Variants in ERBB4 observed in about 807,000 individuals in gnomAD.
The protein encoded by ERBB4 is receptor tyrosine-protein kinase erbB-4.
A neutral mutation model predicts 158.0 loss-of-function variants in ERBB4; 42 were observed. The ratio of observed to expected loss-of-function variants is 0.27; its 90% CI spans 0.21 to 0.34. The LOEUF is 0.34. Ranked by LOEUF, ERBB4 falls within the 10% of genes least tolerant of loss-of-function variation. The pLI, the probability that ERBB4 is intolerant of heterozygous loss-of-function variation, is 1.00. For synonymous variants in ERBB4, 583 were observed against 558.7 expected (o/e 1.04, Z -0.61); for missense variants, 1,333 against 1,624.1 (o/e 0.82, Z 3.08).
At chr2:212,344,473 T>G (rs1439932623) in intron 1 of ERBB4, among the ~76,000 whole-genome samples, 2 of 129,198 alleles carry the variant, frequency 1.5e-5, no homozygotes, top group African/African-American at 6.6e-5. Flanking sequence ...TGTGTGTGTA[T>G]ATATGTGTGT....
In ERBB4 at chr2:211,703,983, G is replaced by T. The variant is rs139292913; in HGVS notation, c.1289+121C>A. On this transcript the variant is annotated intron_variant, in intron 11 of 27. Coordinates refer to ENST00000342788, the MANE Select transcript of ERBB4 (RefSeq NM_005235.3). ...TTATTGAGCTTATCTTTGGAAATAA[G>T]GATGGAAGCATGATTTCCCCAGAAT... is the stretch of plus-strand genomic sequence containing the variant. 6.1e-3 allele frequency: 4,598 copies of T among 749,524 alleles called. 40 individuals carry two copies. Among genetic ancestry groups the T allele is most frequent in the Non-Finnish European group, 4.9e-3 (1,974 of 403,506 alleles). 46.4% of individuals were successfully genotyped at this position (749,524 alleles called of 1,614,324 possible).
At chr2:211,625,030 G>A (rs1025440483) in intron 17 of ERBB4, among the ~76,000 whole-genome samples, 20 of 151,410 alleles carry the variant, frequency 1.3e-4, no homozygotes, top group Non-Finnish European at 7.4e-5. Context: ...GAATGAGAAG[G>A]GGGCAAGTAT....
intron 17 of ERBB4, among the ~76,000 whole-genome samples, chr2:211,630,209 T>C (rs1242384360): frequency 1.3e-5 from 2 of 152,160 alleles, no homozygotes; most frequent in Non-Finnish European, 2.9e-5. Context: ...CTCCCAACCA[T>C]ACAAACAAAA....
At chr2:212,415,355 T>C (rs1478679961) in intron 1 of ERBB4, among the ~76,000 whole-genome samples, 1 of 152,118 alleles carries the variant, frequency 6.6e-6, no homozygotes, top group Non-Finnish European at 1.5e-5. Context: ...GATTAGATAC[T>C]TAGAAAAGAA....
At chr2:211,501,505 A>AAG (rs1553549943) in intron 20 of ERBB4, among the ~76,000 whole-genome samples, 13 of 151,752 alleles carry the variant, frequency 8.6e-5, no homozygotes, top group Middle Eastern at 3.9e-3. Context: ...ATTAAAAAAA[A>AAG]CAGCATAAAT....
At chr2:211,423,068 C>A (rs1230856801) in intron 23 of ERBB4, among the ~76,000 whole-genome samples, 4 of 151,780 alleles carry the variant, frequency 2.6e-5, no homozygotes, top group Admixed American at 6.6e-5. Flanking sequence ...AGCTCAAATG[C>A]TCTGTATTCT....
chr2:212,095,658 C>T (rs1169528589), intron 2 of ERBB4, among the ~76,000 whole-genome samples: 1 of 152,076 alleles, frequency 6.6e-6, no homozygotes, highest in Admixed American at 6.5e-5. Context: ...TTTGGCCGGG[C>T]GCGGTGGCTC....
At chr2:212,059,318 C>T (rs1432485539) in intron 2 of ERBB4, among the ~76,000 whole-genome samples, 1 of 152,172 alleles carries the variant, frequency 6.6e-6, no homozygotes, top group Admixed American at 6.5e-5. Context: ...AAGAACATTC[C>T]ATTCTCATGG....
Position 212,237,175 on chromosome 2 carries a change from C to T in ERBB4, c.83-112272G>A, listed in dbSNP as rs574174148. Reference sequence around the variant, plus strand: ...GAAATATTATCACTTTTGGAATTTTCAGCCTTTCTGCGCTAGTTTTTCCTC... The same window carrying T: ...GAAATATTATCACTTTTGGAATTTTTAGCCTTTCTGCGCTAGTTTTTCCTC... On this transcript the variant is annotated intron_variant, in intron 1 of 27. Transcript: ENST00000342788. 2.6e-5 allele frequency among the ~76,000 whole-genome samples: 4 copies of T among 152,286 alleles called. No homozygotes were observed. In the East Asian group the frequency reaches 7.7e-4, roughly 29 times the overall value.
intron 1 of ERBB4, among the ~76,000 whole-genome samples, chr2:212,242,679 A>G (rs2084154698): frequency 6.6e-6 from 1 of 152,210 alleles, no homozygotes; most frequent in African/African-American, 2.4e-5. Context: ...AAAAACAAAA[A>G]AAAAATACAC....
chr2:211,676,759 CT>C (rs1559407356), intron 13 of ERBB4, among the ~76,000 whole-genome samples: 1 of 152,106 alleles, frequency 6.6e-6, no homozygotes, highest in Non-Finnish European at 1.5e-5. Context: ...ATTCAATAAA[CT>C]TTTAATGTAA....
In ERBB4 at chr2:211,691,244, C is replaced by T. The variant is rs1033747562; in HGVS notation, c.1489+10723G>A. ...GTAGCCTTGGGCAATTACTTACATG[C>T]TACTTATCTTTAAAGTGAACAGTAA... On this transcript the variant is annotated intron_variant, in intron 12 of 27. Coordinates refer to ENST00000342788, the MANE Select transcript of ERBB4 (RefSeq NM_005235.3). Among the ~76,000 whole-genome samples the T allele has an allele frequency of 6.6e-5, 10 of 152,164 alleles. No homozygotes were observed. The East Asian group carries it at 1.5e-3, about 24-fold the overall frequency.
intron 4 of ERBB4, among the ~76,000 whole-genome samples, chr2:211,787,631 A>T (rs1393724008): frequency 6.6e-6 from 1 of 152,190 alleles, no homozygotes; most frequent in African/African-American, 2.4e-5. Flanking sequence ...TATTGAAAAA[A>T]TTATAGTGAA....
At chr2:211,855,992 A>G (rs1365058411) in intron 3 of ERBB4, among the ~76,000 whole-genome samples, 1 of 152,216 alleles carries the variant, frequency 6.6e-6, no homozygotes, top group Non-Finnish European at 1.5e-5. Flanking sequence ...AGTCAGAATG[A>G]AAAACTACTT....
In ERBB4 at chr2:211,851,368, T is replaced by A. The variant is rs143265989; in HGVS notation, c.422-63209A>T. The stretch of plus-strand genomic sequence containing the variant: ...GTCAAAAATAGGTCAAGAAATTAAA[T>A]TGGCTTAATCCAATTCAATCCAGAA... On this transcript the variant is annotated intron_variant, in intron 3 of 27. Transcript: ENST00000342788. Among the ~76,000 whole-genome samples, 392 of 152,084 alleles carry A rather than the reference T, an allele frequency of 2.6e-3. 2 individuals carry two copies. Among genetic ancestry groups the A allele is most frequent in the African/African-American group, 9.2e-3 (383 of 41,540 alleles).
intron 1 of ERBB4, among the ~76,000 whole-genome samples, chr2:212,422,314 G>A (rs73062345): frequency 0.023 from 3,530 of 152,208 alleles, 134 homozygotes; most frequent in African/African-American, 0.08. Context: ...AGACCAGTCT[G>A]GCCAACATGC....
chr2:211,468,544 C>T (rs891146781), intron 20 of ERBB4, among the ~76,000 whole-genome samples: 7 of 151,926 alleles, frequency 4.6e-5, no homozygotes, highest in African/African-American at 7.3e-5. Flanking sequence ...GGTCTATTTG[C>T]CTGGAAAAAT....
At chr2:211,774,498 C>A (rs1210445300) in intron 4 of ERBB4, among the ~76,000 whole-genome samples, 1 of 152,108 alleles carries the variant, frequency 6.6e-6, no homozygotes, top group Non-Finnish European at 1.5e-5. Context: ...CGCCTCTTCA[C>A]GGATAGGTCA....
At chr2:212,433,982 C>G (rs2092084810) in intron 1 of ERBB4, among the ~76,000 whole-genome samples, 1 of 151,942 alleles carries the variant, frequency 6.6e-6, no homozygotes. Flanking sequence ...AGCTGTTAAA[C>G]TACCTCTCAG....
Sources: allele counts gnomAD v4.1 joint callset (sites outside exome capture counted in the v4.1 genomes callset), GRCh38; gene constraint gnomAD v4.1.1; transcripts MANE v1.5; gene names NCBI Gene and HGNC (gene_info 2026-07-23, HGNC 2026-07-21).